The following NDOR1 variants were observed in gnomAD, a reference collection of about 807,000 sequenced individuals.
NDOR1 encodes NADPH-dependent diflavin oxidoreductase 1.
In NDOR1, 61 loss-of-function variants were observed where a neutral mutation model predicts 67.2. The observed-to-expected ratio is 0.91, with a 90% CI of 0.74 to 1.12. The LOEUF (loss-of-function observed/expected upper bound fraction) is 1.12. Among genes scored for constraint, NDOR1 ranks in the 50% most tolerant of loss-of-function variants. NDOR1 has a pLI of 0.00. For synonymous variants in NDOR1, 378 were observed against 343.7 expected, an observed-to-expected ratio of 1.10 and a Z score of -1.10; for missense variants, 878 against 802.8, an observed-to-expected ratio of 1.09 and a Z score of -1.13.
Position 137,205,723 on chromosome 9 carries a change from G to C in NDOR1, c.-55G>C. 6.3e-7 allele frequency: 1 copy of C among 1,596,776 alleles called. No individual in the cohort carries two copies. The highest frequency in any genetic ancestry group is 8.5e-7 in the Non-Finnish European group (1 of 1,178,496). On this transcript the variant is annotated 5_prime_UTR_variant, in exon 1 of 14. Transcript: ENST00000684003. Reference sequence around the variant, plus strand: ...GCGGAGCGGTCCCTGCAACCCGGCCGGCGGGAACTGCCTTCTAGTTTTTAG... The same window carrying C: ...GCGGAGCGGTCCCTGCAACCCGGCCCGCGGGAACTGCCTTCTAGTTTTTAG...
At position 137,206,261 on chromosome 9, in the gene NDOR1, ATT is replaced by A. The variant is rs1272425908; in HGVS notation, c.167_168del (p.Phe56CysfsTer12). On this transcript the variant is annotated frameshift_variant, in exon 2 of 14. Coordinates refer to ENST00000684003, the MANE Select transcript of NDOR1 (RefSeq NM_014434.4). LOFTEE classifies it high-confidence loss of function. Reference protein sequence around the residue: ...VNLINEPLVIFVCATTGQGDP... With the variant: ...VNLINEPLVIXVCATTGQGDP... ...ATCTGATTAACGAGCCCCTGGTGAT[ATT>A]TGTTTGTGCAACTACAGGCCAAGGA... 3 of 1,613,750 alleles carry A rather than the reference ATT, an allele frequency of 1.9e-6. No homozygotes were observed. The highest frequency in any genetic ancestry group is 2.5e-6 in the Non-Finnish European group (3 of 1,179,968).
Position 137,218,765 on chromosome 9 carries a change from C to T in NDOR1, c.*2349C>T, listed in dbSNP as rs1336081183. On this transcript the variant is annotated 3_prime_UTR_variant, in exon 14 of 14. Coordinates refer to ENST00000684003, the MANE Select transcript of NDOR1 (RefSeq NM_014434.4). ...AGACCTCCCATTGCTGAACCCACAA[C>T]CAGGGCTACCCAGAGGCCTGACCCT... is the stretch of plus-strand genomic sequence containing the variant. 5.0e-6 allele frequency: 2 copies of T among 397,016 alleles called. No homozygotes were observed. Among genetic ancestry groups the T allele is most frequent in the Non-Finnish European group, 8.9e-6 (2 of 225,594 alleles). 24.6% of individuals were successfully genotyped at this position (397,016 alleles called of 1,614,324 possible).
Position 137,214,188 on chromosome 9 carries a change from G to A in NDOR1, c.513-16G>A. 1.2e-6 allele frequency: 2 copies of A among 1,602,750 alleles called. No individual in the cohort carries two copies. Among genetic ancestry groups the A allele is most frequent in the South Asian group, 2.2e-5 (2 of 90,170 alleles). ...TGGGGAGTGGGTCCTGGTCTGACCAGCGTGCCCTCCCACAGCCTGCCCTCC... is the reference window on the plus strand; with the variant it reads ...TGGGGAGTGGGTCCTGGTCTGACCAACGTGCCCTCCCACAGCCTGCCCTCC... On this transcript the variant is annotated splice_polypyrimidine_tract_variant and intron_variant, in intron 5 of 13. Transcript: ENST00000684003.
Position 137,217,463 on chromosome 9 carries a change from A to G in NDOR1, c.*1047A>G, listed in dbSNP as rs892882656. 1 of 152,446 alleles carries G rather than the reference A, an allele frequency of 6.6e-6. No homozygotes were observed. The highest frequency in any genetic ancestry group is 1.5e-5 in the Non-Finnish European group (1 of 68,234). The allele number at this position is 152,446 out of a possible 1,614,324, so 9.4% of individuals were successfully genotyped here. ...GAGGGGCTTTAGGCACTGGGAAGGA[A>G]AGTCCTGTTGGAGGAGTTCGGTGGC... On this transcript the variant is annotated 3_prime_UTR_variant, in exon 14 of 14. Transcript: ENST00000684003.
Position 137,212,701 on chromosome 9 carries a change from C to A in NDOR1, c.311+102C>A. 1 of 1,104,508 alleles carries A rather than the reference C, an allele frequency of 9.1e-7. No individual in the cohort carries two copies. The highest frequency in any genetic ancestry group is 1.4e-6 in the Non-Finnish European group (1 of 728,770). The allele number at this position is 1,104,508 out of a possible 1,614,324, so 68.4% of individuals were successfully genotyped here. A position where few individuals can be genotyped will look rare whatever the true frequency, so the allele number is the denominator to read the frequency against. ...GACCAGCTTCCAGGGTCGGCCCCTG[C>A]GCGCCTCAGGGCCCTCGCAGTGGTA... is the stretch of plus-strand genomic sequence containing the variant. On this transcript the variant is annotated intron_variant, in intron 3 of 13. Coordinates refer to ENST00000684003, the MANE Select transcript of NDOR1 (RefSeq NM_014434.4). The surrounding 1 kb of genome is among the most constrained non-coding windows in gnomAD (Gnocchi z 4.3).
intron 2 of NDOR1, among the ~76,000 whole-genome samples, chr9:137,207,997 C>G (rs1274310949): frequency 2.0e-5 from 3 of 151,408 alleles, no homozygotes; most frequent in Non-Finnish European, 4.4e-5. Context: ...CAACAATTAG[C>G]TGGGCACGGC....
At chr9:137,214,455 C>A (rs776535516) in intron 6 of NDOR1, 42 bp downstream of exon 6, 1 of 1,545,114 alleles carries the variant, frequency 6.5e-7, no homozygotes. Flanking sequence ...GTGAGGTGGG[C>A]CGTGGGTCTG....
chr9:137,207,292 C>G lies in NDOR1; in HGVS notation c.213+983C>G, dbSNP rs562229041. ...CAGTGGTGTCAGGAAGAGAGAGTCC[C>G]CGGGACATGGAACGGACCCAATAGG... is the stretch of plus-strand genomic sequence containing the variant. On this transcript the variant is annotated intron_variant, in intron 2 of 13. Transcript: ENST00000684003. Among the ~76,000 whole-genome samples, 6 of 151,776 alleles carry G rather than the reference C, an allele frequency of 4.0e-5. No homozygotes were observed. The South Asian group carries it at 1.3e-3, about 32-fold the overall frequency.
At position 137,217,291 on chromosome 9, in the gene NDOR1, A is replaced by G. The variant is rs1835660616; in HGVS notation, c.*875A>G. Among the ~76,000 whole-genome samples, 1 of 152,116 alleles carries G rather than the reference A, an allele frequency of 6.6e-6. No homozygotes were observed. Among genetic ancestry groups the G allele is most frequent in the African/African-American group, 2.4e-5 (1 of 41,414 alleles). On this transcript the variant is annotated 3_prime_UTR_variant, in exon 14 of 14. Coordinates refer to ENST00000684003, the MANE Select transcript of NDOR1 (RefSeq NM_014434.4). The stretch of plus-strand genomic sequence containing the variant: ...CTGACTGCCTCGTTCTTAAGGGCAT[A>G]GTGGGTCGGCTAAGATCTGATCGCC...
rs568835199 is a variant in NDOR1, at chr9:137,215,951, G to T, written c.1488G>T (p.Glu496Asp). 3.7e-6 allele frequency: 6 copies of T among 1,613,752 alleles called. No individual in the cohort carries two copies. In the East Asian group the frequency reaches 1.3e-4, roughly 36 times the overall value. ...CRWRDQDFYW[E>D]AEWQELEKRD... ...GGCGGGACCAAGACTTCTACTGGGAGGCTGAGTGGCAGGAGCTGGAGAAGC... is the reference window on the plus strand; with the variant it reads ...GGCGGGACCAAGACTTCTACTGGGATGCTGAGTGGCAGGAGCTGGAGAAGC... The change falls in exon 12 of 14, where the codon GAG becomes GAT. Residue 496 changes from glutamate to aspartate, a missense_variant. Transcript: ENST00000684003.
rs748165567 is a variant in NDOR1, at chr9:137,216,027, C to T, written c.1554+10C>T. ...CTTCTCCCGGGAACAGGTGTGTATG[C>T]TCAGGGGCTGGGAAAGGAGGGGAGG... On this transcript the variant is annotated intron_variant, in intron 12 of 13. Transcript: ENST00000684003. The T allele has an allele frequency of 6.2e-7, 1 of 1,613,590 alleles. No individual in the cohort carries two copies. The highest frequency in any genetic ancestry group is 1.7e-5 in the Admixed American group (1 of 60,024).
rs900285594 is a variant in NDOR1, at chr9:137,213,918, C to G, written c.410+40C>G. On this transcript the variant is annotated intron_variant, in intron 4 of 13. Transcript: ENST00000684003. ...GTGGTACCCGCCTCCACAGTCTGGTCTGGCCACACGCAGGGTCCGCTCAGG... is the reference window on the plus strand; with the variant it reads ...GTGGTACCCGCCTCCACAGTCTGGTGTGGCCACACGCAGGGTCCGCTCAGG... 5.0e-6 allele frequency: 8 copies of G among 1,593,722 alleles called. No homozygotes were observed. In the African/African-American group the frequency reaches 9.4e-5, roughly 19 times the overall value.
At chr9:137,214,758 C>G (rs201592145) in intron 7 of NDOR1, 40 bp from the exon 8 acceptor site, 3 of 1,595,542 alleles carry the variant, frequency 1.9e-6, no homozygotes, top group Admixed American at 3.3e-5. Flanking sequence ...ACCCCAAGGG[C>G]TCCGCCGCAG....
chr9:137,215,573 C>A (rs1314596188), intron 10 of NDOR1, 52 bp downstream of exon 10: 4 of 1,609,046 alleles, frequency 2.5e-6, no homozygotes, highest in Middle Eastern at 1.7e-4. Flanking sequence ...CCTTCTCTCC[C>A]ATGCTCATGC....
Position 137,214,424 on chromosome 9 carries a change from C to T in NDOR1, c.722+11C>T, listed in dbSNP as rs1413285139. 1 of 1,612,514 alleles carries T rather than the reference C, an allele frequency of 6.2e-7. No homozygotes were observed. Among genetic ancestry groups the T allele is most frequent in the South Asian group, 1.1e-5 (1 of 90,968 alleles). On this transcript the variant is annotated intron_variant, in intron 6 of 13. Transcript: ENST00000684003. Reference sequence around the variant, plus strand: ...GGGCTCTGGCATCAGGTGGGGACTGCTGGGGACCGAGGAGGGCAAGGTGAG... The same window carrying T: ...GGGCTCTGGCATCAGGTGGGGACTGTTGGGGACCGAGGAGGGCAAGGTGAG...
rs540343054 is a variant in NDOR1, at chr9:137,213,228, G to A, written c.312-552G>A. ...TGCGTGACGTAGGTCCGTGCATGAC[G>A]TTGTTTCCTGCGTGACGTTGTTCTG... is the stretch of plus-strand genomic sequence containing the variant. On this transcript the variant is annotated intron_variant, in intron 3 of 13. Coordinates refer to ENST00000684003, the MANE Select transcript of NDOR1 (RefSeq NM_014434.4). Among the ~76,000 whole-genome samples the A allele has an allele frequency of 8.5e-5, 13 of 152,348 alleles. No homozygotes were observed. The South Asian group carries it at 1.0e-3, about 12-fold the overall frequency.
Position 137,215,087 on chromosome 9 carries a change from T to C in NDOR1, c.1066-8T>C. The C allele has an allele frequency of 1.2e-6, 2 of 1,613,662 alleles. No homozygotes were observed. Among genetic ancestry groups the C allele is most frequent in the Non-Finnish European group, 1.7e-6 (2 of 1,179,918 alleles). On this transcript the variant is annotated splice_region_variant and splice_polypyrimidine_tract_variant and intron_variant, in intron 8 of 13. Transcript: ENST00000684003. Reference sequence around the variant, plus strand: ...CGCTGCAGCCACCCTGAGACTCTCTTTGCCTAGGTGCTCTGTGACTTCCCG... The same window carrying C: ...CGCTGCAGCCACCCTGAGACTCTCTCTGCCTAGGTGCTCTGTGACTTCCCG...
rs1301893552 is a variant in NDOR1, at chr9:137,206,382, A to C, written c.213+73A>C. 2.1e-6 allele frequency: 3 copies of C among 1,462,940 alleles called. No individual in the cohort carries two copies. The African/African-American group carries it at 4.2e-5, about 20-fold the overall frequency. 90.6% of individuals were successfully genotyped at this position (1,462,940 alleles called of 1,614,324 possible). On this transcript the variant is annotated intron_variant, in intron 2 of 13. Transcript: ENST00000684003. ...ACCCCGTTTTCATTGCCTGGCGTCT[A>C]GGTGCAGTAAATAGCTCTCCTTTAT...
intron 2 of NDOR1, among the ~76,000 whole-genome samples, chr9:137,206,797 AG>A (rs2131362345): frequency 6.6e-6 from 1 of 152,334 alleles, no homozygotes; most frequent in South Asian, 2.1e-4. Flanking sequence ...CATATGTCAC[AG>A]GAGCACTGAT....
Sources: allele counts gnomAD v4.1 joint callset (sites outside exome capture counted in the v4.1 genomes callset), GRCh38; gene constraint gnomAD v4.1.1; non-coding constraint Gnocchi (gnomAD v3.1); transcripts MANE v1.5; gene names NCBI Gene and HGNC (gene_info 2026-07-23, HGNC 2026-07-21).